Variants in PTCHD4 observed in about 807,000 individuals in gnomAD.
The protein encoded by PTCHD4 is patched domain containing 4.
PTCHD4 carries 33 observed loss-of-function variants against 58.1 expected under a neutral mutation model. The observed-to-expected ratio is 0.57, with a 90% CI of 0.43 to 0.76. The LOEUF (loss-of-function observed/expected upper bound fraction) is 0.76. Ranked by LOEUF, PTCHD4 falls within the 30% of genes least tolerant of loss-of-function variation. The pLI, the probability that PTCHD4 is intolerant of heterozygous loss-of-function variation, is 0.00. For synonymous variants in PTCHD4, 478 were observed against 409.6 expected, an observed-to-expected ratio of 1.17 and a Z score of -2.02; for missense variants, 1,058 against 1,027.1, an observed-to-expected ratio of 1.03 and a Z score of -0.41.
chr6:48,079,750 G>C (rs1206121040), intron 1 of PTCHD4, among the ~76,000 whole-genome samples: 1 of 151,574 alleles, frequency 6.6e-6, no homozygotes, highest in Non-Finnish European at 1.5e-5. Flanking sequence ...TGCTATTATT[G>C]CCTATACCTG....
intron 4 of PTCHD4, among the ~76,000 whole-genome samples, chr6:47,924,547 A>C (rs1229436896): frequency 2.0e-5 from 3 of 152,104 alleles, no homozygotes; most frequent in Non-Finnish European, 4.4e-5. Flanking sequence ...CATTTGTAAA[A>C]TGAGGAACAT....
Position 47,879,076 on chromosome 6 carries a change from T to C in PTCHD4, c.1759A>G (p.Asn587Asp), listed in dbSNP as rs774050502. 1.9e-6 allele frequency: 3 copies of C among 1,613,248 alleles called. No individual in the cohort carries two copies. Among genetic ancestry groups the C allele is most frequent in the Non-Finnish European group, 2.5e-6 (3 of 1,179,736 alleles). Residue 587 changes from asparagine to aspartate, a missense_variant, in exon 5 of 5, where the codon AAT becomes GAT. Asn to Asp is a conservative substitution (Grantham distance 23). Coordinates refer to ENST00000339488, the MANE Select transcript of PTCHD4 (RefSeq NM_001384253.1). ...LKKPEFQHFR[N>D]DIIFSKAGDE... ...CCTGCCTTGGAGAAGATGATATCAT[T>C]TCGAAAATGCTGGAATTCTGGCTTT...
intron 3 of PTCHD4, among the ~76,000 whole-genome samples, chr6:48,065,904 A>G (rs574758143): frequency 6.6e-6 from 1 of 152,288 alleles, no homozygotes; most frequent in East Asian, 1.9e-4. Flanking sequence ...TTATGATATT[A>G]ACCTTTGTAA....
intron 3 of PTCHD4, among the ~76,000 whole-genome samples, chr6:48,010,162 T>C (rs1224260722): frequency 6.6e-6 from 1 of 152,196 alleles, no homozygotes; most frequent in East Asian, 1.9e-4. Flanking sequence ...TGATGAAGTA[T>C]AGTGTTGAAA....
At chr6:47,945,756 T>C (rs1766392448) in intron 4 of PTCHD4, among the ~76,000 whole-genome samples, 1 of 151,836 alleles carries the variant, frequency 6.6e-6, no homozygotes, top group Admixed American at 6.6e-5. Flanking sequence ...CTATGAAAAT[T>C]ATAAATTATT....
intron 4 of PTCHD4, among the ~76,000 whole-genome samples, chr6:47,905,682 A>G (rs1764858003): frequency 6.6e-6 from 1 of 152,232 alleles, no homozygotes; most frequent in Non-Finnish European, 1.5e-5. Flanking sequence ...TGTATCCCCA[A>G]TGTGCATAAT....
chr6:47,966,140 C>G (rs888444184), intron 4 of PTCHD4, among the ~76,000 whole-genome samples: 1 of 152,134 alleles, frequency 6.6e-6, no homozygotes, highest in Non-Finnish European at 1.5e-5. Flanking sequence ...TCTGTTTACA[C>G]AAAGAAATGT....
intron 1 of PTCHD4, among the ~76,000 whole-genome samples, chr6:48,076,409 C>T (rs1765065103): frequency 6.6e-6 from 1 of 152,190 alleles, no homozygotes; most frequent in Non-Finnish European, 1.5e-5. Context: ...CTAATGGCAT[C>T]CAGAATGGTG....
chr6:47,913,261 T>G (rs895956687), intron 4 of PTCHD4, among the ~76,000 whole-genome samples: 2 of 152,078 alleles, frequency 1.3e-5, no homozygotes, highest in Admixed American at 1.3e-4. Context: ...CTGTTTATAA[T>G]GACAGTGTCC....
chr6:47,934,003 T>C (rs542327016), intron 4 of PTCHD4, among the ~76,000 whole-genome samples: 2 of 152,216 alleles, frequency 1.3e-5, no homozygotes, highest in African/African-American at 4.8e-5. Flanking sequence ...AATAACAGGG[T>C]AATCTGTTCA....
At chr6:48,094,504 G>A (rs957185048) in intron 1 of PTCHD4, among the ~76,000 whole-genome samples, 15 of 152,206 alleles carry the variant, frequency 9.9e-5, no homozygotes, top group African/African-American at 3.6e-4. Context: ...TGAATGCTGT[G>A]TAATACAATC....
intron 4 of PTCHD4, among the ~76,000 whole-genome samples, chr6:47,999,947 A>G (rs976582930): frequency 2.0e-5 from 3 of 152,196 alleles, no homozygotes; most frequent in African/African-American, 7.2e-5. Flanking sequence ...TGCTCATAAA[A>G]CAATCCATTT....
At chr6:47,979,803 A>G (rs569089092) in intron 4 of PTCHD4, among the ~76,000 whole-genome samples, 174 of 152,200 alleles carry the variant, frequency 1.1e-3, no homozygotes, top group Admixed American at 2.4e-3. Context: ...GTAAAGCACT[A>G]TAGAGATCTG....
At position 47,860,739 on chromosome 6, in the gene PTCHD4, G is replaced by T. The variant is rs1384227543; in HGVS notation, c.*17564C>A. On this transcript the variant is annotated 3_prime_UTR_variant, in exon 5 of 5. Coordinates refer to ENST00000339488, the MANE Select transcript of PTCHD4 (RefSeq NM_001384253.1). The stretch of plus-strand genomic sequence containing the variant: ...AACATTTGAGAGACATAGGTAGAGG[G>T]TTAAAAACCCACTAGTCTACTAGTT... 2.0e-5 allele frequency among the ~76,000 whole-genome samples: 3 copies of T among 151,844 alleles called. No homozygotes were observed.
chr6:47,874,841 C>A lies in PTCHD4; in HGVS notation c.*3462G>T, dbSNP rs978763503. Among the ~76,000 whole-genome samples the A allele has an allele frequency of 5.9e-5, 9 of 151,934 alleles. 1 individual carries two copies. Among genetic ancestry groups the A allele is most frequent in the Middle Eastern group, 3.4e-3 (1 of 294 alleles). On this transcript the variant is annotated 3_prime_UTR_variant, in exon 5 of 5. Transcript: ENST00000339488. ...AAGAATTCCTGGGAAGACATCTAAA[C>A]ATGACTTTCATTAAAAAGAATTAAG... is the stretch of plus-strand genomic sequence containing the variant.
chr6:47,922,198 C>T (rs1765455035), intron 4 of PTCHD4, among the ~76,000 whole-genome samples: 2 of 152,098 alleles, frequency 1.3e-5, no homozygotes, highest in Admixed American at 6.6e-5. Flanking sequence ...TTAATTTTAA[C>T]TAATGTAGTT....
intron 4 of PTCHD4, among the ~76,000 whole-genome samples, chr6:47,969,146 C>G (rs1767407688): frequency 6.6e-6 from 1 of 152,180 alleles, no homozygotes; most frequent in Non-Finnish European, 1.5e-5. Flanking sequence ...AGGACTACAA[C>G]TTAAATGTAG....
chr6:48,019,972 T>C (rs1006796540), intron 3 of PTCHD4, among the ~76,000 whole-genome samples: 1 of 150,132 alleles, frequency 6.7e-6, no homozygotes, highest in African/African-American at 2.5e-5. Flanking sequence ...TACACAAAGG[T>C]GTAGATCTGC....
intron 4 of PTCHD4, among the ~76,000 whole-genome samples, chr6:47,940,316 A>T (rs1428535537): frequency 1.3e-4 from 20 of 151,362 alleles, no homozygotes; most frequent in Non-Finnish European, 1.5e-5. Flanking sequence ...TGCCCCATGC[A>T]GTATAATTAA....
Sources: allele counts gnomAD v4.1 joint callset (sites outside exome capture counted in the v4.1 genomes callset), GRCh38; gene constraint gnomAD v4.1.1; transcripts MANE v1.5; gene names NCBI Gene and HGNC (gene_info 2026-07-23, HGNC 2026-07-21).